Variants in SPATA31F3 observed in about 807,000 individuals in gnomAD.
The protein encoded by SPATA31F3 is protein SPATA31F3.
the SPATA31F3 span, chr9:34,892,980 A>C: frequency 1.4e-6 from 1 of 724,836 alleles, no homozygotes; most frequent in Non-Finnish European, 2.4e-6. Context: ...GATGTGGACA[A>C]AGCCTCTAGG....
At chr9:34,891,305 G>A in the SPATA31F3 span, among the ~76,000 whole-genome samples, 1 of 152,308 alleles carries the variant, frequency 6.6e-6, no homozygotes, top group East Asian at 1.9e-4. Flanking sequence ...CAGGCCTTTG[G>A]AATACTGCAG....
At chr9:34,890,709 A>C in the SPATA31F3 span, among the ~76,000 whole-genome samples, 1 of 152,186 alleles carries the variant, frequency 6.6e-6, no homozygotes. Flanking sequence ...GGGATGGTGA[A>C]AATTTGTTCC....
chr9:34,895,124 AT>A, the SPATA31F3 span: 2 of 398,000 alleles, frequency 5.0e-6, no homozygotes, highest in African/African-American at 2.1e-5. Context: ...CTGCTACACC[AT>A]TTTTTCCCAT....
chr9:34,891,280 C>A, the SPATA31F3 span, among the ~76,000 whole-genome samples: 1 of 152,154 alleles, frequency 6.6e-6, no homozygotes, highest in African/African-American at 2.4e-5. Context: ...AGGACAGGGG[C>A]GCCAAGTTGC....
At chr9:34,890,556 G>A in the SPATA31F3 span, among the ~76,000 whole-genome samples, 1 of 152,164 alleles carries the variant, frequency 6.6e-6, no homozygotes, top group African/African-American at 2.4e-5. Context: ...TTAGTTCAAC[G>A]GCAAGCTGTT....
the SPATA31F3 span, chr9:34,893,004 G>A: frequency 1.2e-6 from 1 of 815,210 alleles, no homozygotes; most frequent in Non-Finnish European, 2.0e-6. Context: ...GAGGAGCCCT[G>A]TGATGGCCCC....
chr9:34,893,617 A>G, the SPATA31F3 span, among the ~76,000 whole-genome samples: 3 of 151,966 alleles, frequency 2.0e-5, no homozygotes, highest in African/African-American at 4.8e-5. Flanking sequence ...AAAAAAAGAA[A>G]AAAGAAAAGA....
At chr9:34,892,720 T>G in the SPATA31F3 span, 1 of 468,694 alleles carries the variant, frequency 2.1e-6, no homozygotes, top group Non-Finnish European at 3.8e-6. Context: ...TCAGAGGAAT[T>G]CCAGGCTTCT....
the SPATA31F3 span, chr9:34,894,574 G>A: frequency 2.5e-6 from 1 of 398,290 alleles, no homozygotes; most frequent in Non-Finnish European, 4.4e-6. Flanking sequence ...AGAAGCTGAA[G>A]GCCTTTTAAT....
the SPATA31F3 span, among the ~76,000 whole-genome samples, chr9:34,890,579 C>A: frequency 6.6e-6 from 1 of 152,216 alleles, no homozygotes; most frequent in Non-Finnish European, 1.5e-5. Context: ...TTCAGTCCAA[C>A]CCCTTCTGGA....
chr9:34,891,694 C>T, the SPATA31F3 span, among the ~76,000 whole-genome samples: 1 of 152,176 alleles, frequency 6.6e-6, no homozygotes, highest in African/African-American at 2.4e-5. Context: ...TAGGAGAATG[C>T]TTCCTCCCTC....
the SPATA31F3 span, among the ~76,000 whole-genome samples, chr9:34,890,905 C>T: frequency 6.6e-6 from 1 of 152,206 alleles, no homozygotes; most frequent in Admixed American, 6.5e-5. Flanking sequence ...ACGTTATCTA[C>T]ACAAGCTTCA....
chr9:34,891,786 T>C, the SPATA31F3 span, among the ~76,000 whole-genome samples: 6 of 152,302 alleles, frequency 3.9e-5, no homozygotes, highest in Admixed American at 1.3e-4. Flanking sequence ...AGGGCTTACA[T>C]TGTATGATTT....
chr9:34,892,035 T>C, the SPATA31F3 span, among the ~76,000 whole-genome samples: 22 of 152,186 alleles, frequency 1.4e-4, no homozygotes, highest in Non-Finnish European at 3.2e-4. Flanking sequence ...AAGCCTCCCC[T>C]GTTTTGGAGA....
At chr9:34,889,326 T>C in the SPATA31F3 span, 1 of 398,622 alleles carries the variant, frequency 2.5e-6, no homozygotes, top group African/African-American at 2.1e-5. Flanking sequence ...GGACCCAGGA[T>C]TGGCTGGACT....
the SPATA31F3 span, among the ~76,000 whole-genome samples, chr9:34,891,156 A>G: frequency 6.6e-6 from 1 of 152,312 alleles, no homozygotes; most frequent in East Asian, 1.9e-4. Flanking sequence ...CAGTAACAGC[A>G]TCTGGCAAGC....
chr9:34,893,665 C>T, the SPATA31F3 span, among the ~76,000 whole-genome samples: 8 of 151,886 alleles, frequency 5.3e-5, no homozygotes, highest in South Asian at 2.1e-4. Context: ...GCTGGGCTGA[C>T]GATCTAGAGC....
At chr9:34,894,317 A>T in the SPATA31F3 span, 1 of 396,140 alleles carries the variant, frequency 2.5e-6, no homozygotes, top group African/African-American at 2.1e-5. Context: ...CTAGTGAACC[A>T]GCCTCCACTG....
chr9:34,889,642 G>A, the SPATA31F3 span: 1 of 398,554 alleles, frequency 2.5e-6, no homozygotes, highest in Non-Finnish European at 4.4e-6. Context: ...GCTTCTGGAA[G>A]GATGATGCTC....
Sources: gnomAD v4.1 joint callset for allele counts (sites outside exome capture counted in the v4.1 genomes callset) on GRCh38, gnomAD v4.1.1 for gene constraint, MANE v1.5 for transcripts, NCBI Gene and HGNC (gene_info 2026-07-23, HGNC 2026-07-21) for gene names.